Variants in RIMS2 observed in about 807,000 individuals in gnomAD.
RIMS2 encodes regulating synaptic membrane exocytosis protein 2.
Under a neutral mutation model 174.4 loss-of-function variants are expected in RIMS2, and 59 were observed. The ratio of observed to expected loss-of-function variants is 0.34; its 90% CI spans 0.27 to 0.42. The LOEUF is 0.42. RIMS2 is among the 10% of genes least tolerant of loss of function. The probability of loss-of-function intolerance (pLI) is 1.00; values close to 1 mark genes in which losing one functional copy is unlikely to be tolerated. For missense variants in RIMS2, 1,620 were observed against 1,666.3 expected, an observed-to-expected ratio of 0.97 and a Z score of 0.48; for synonymous variants, 606 against 572.5, an observed-to-expected ratio of 1.06 and a Z score of -0.84.
In RIMS2 at chr8:103,597,266, G is replaced by C. The variant is rs2094514734; in HGVS notation, c.176+96204G>C. 2.0e-5 allele frequency among the ~76,000 whole-genome samples: 3 copies of C among 152,096 alleles called. No homozygotes were observed. The South Asian group carries it at 6.2e-4, about 31-fold the overall frequency. ...CATATAAAGTTCTAGTTCTCTGATA[G>C]CCTGAGAGAATACACATAGTAGCAC... On this transcript the variant is annotated intron_variant, in intron 1 of 23. Coordinates refer to ENST00000504942, the Ensembl canonical transcript of RIMS2.
intron 19 of RIMS2, among the ~76,000 whole-genome samples, chr8:104,226,776 G>A (rs1340190726): frequency 1.3e-5 from 2 of 152,134 alleles, no homozygotes; most frequent in Non-Finnish European, 2.9e-5. Context: ...AGTATCAGCA[G>A]CCTCCCACAC....
intron 19 of RIMS2, among the ~76,000 whole-genome samples, chr8:104,075,818 GTATGCT>G (rs1354066081): frequency 1.3e-5 from 2 of 152,058 alleles, no homozygotes; most frequent in Admixed American, 6.6e-5. Context: ...AACTATGAGA[GTATGCT>G]TAGTACTCAA....
chr8:103,546,524 A>G (rs539076637), intron 1 of RIMS2, among the ~76,000 whole-genome samples: 2 of 152,312 alleles, frequency 1.3e-5, no homozygotes, highest in African/African-American at 2.4e-5. Flanking sequence ...ACATTTGACT[A>G]AATGGGCCTA....
chr8:103,563,534 A>G (rs2091925409), intron 1 of RIMS2, among the ~76,000 whole-genome samples: 1 of 152,194 alleles, frequency 6.6e-6, no homozygotes, highest in East Asian at 1.9e-4. Context: ...ATTTTGGTCA[A>G]AGCCATTCAA....
chr8:104,085,776 A>G (rs1271824417), intron 19 of RIMS2, among the ~76,000 whole-genome samples: 1 of 152,136 alleles, frequency 6.6e-6, no homozygotes, highest in African/African-American at 2.4e-5. Context: ...TCTAGGTTTT[A>G]GTTGGATATT....
Position 104,093,501 on chromosome 8 carries a change from G to T in RIMS2, c.3334+78886G>T, listed in dbSNP as rs527418169. 5 of 1,597,112 alleles carry T rather than the reference G, an allele frequency of 3.1e-6. No individual in the cohort carries two copies. The African/African-American group carries it at 5.3e-5, about 17-fold the overall frequency. On this transcript the variant is annotated intron_variant, in intron 19 of 23. Coordinates refer to ENST00000504942, the Ensembl canonical transcript of RIMS2. Reference sequence around the variant, plus strand: ...ATCAGGATGGGATCCTCATAGAGGGGCAGATAATGTTTCTACTAAATCTTC... The same window carrying T: ...ATCAGGATGGGATCCTCATAGAGGGTCAGATAATGTTTCTACTAAATCTTC...
chr8:103,697,422 C>A, intron 2 of RIMS2, 126 bp downstream of exon 4: 2 of 800,790 alleles, frequency 2.5e-6, no homozygotes, highest in East Asian at 2.6e-5. Context: ...TTTTAAAATG[C>A]TTGTGGCCAG....
chr8:103,710,641 T>G (rs2097292489), intron 2 of RIMS2, among the ~76,000 whole-genome samples: 1 of 152,188 alleles, frequency 6.6e-6, no homozygotes, highest in South Asian at 2.1e-4. Context: ...TTGTTTCTTT[T>G]ACTTTTTGGT....
rs547913178 is a variant in RIMS2 at position 104,097,224 on chromosome 8, A to G, written c.3334+82609A>G. Among the ~76,000 whole-genome samples, 5 of 152,322 alleles carry G rather than the reference A, an allele frequency of 3.3e-5. No individual in the cohort carries two copies. The South Asian group carries it at 8.3e-4, about 25-fold the overall frequency. ...TTTTTACATATATATAATGAGATAT[A>G]TTGAGGATAGGATCCACGTGTAAAC... On this transcript the variant is annotated intron_variant, in intron 19 of 23. Transcript: ENST00000504942.
chr8:103,572,775 A>G (rs936837579), intron 1 of RIMS2, among the ~76,000 whole-genome samples: 1 of 151,916 alleles, frequency 6.6e-6, no homozygotes, highest in Non-Finnish European at 1.5e-5. Flanking sequence ...TTGTCAATTT[A>G]TTTAAGTTCC....
At chr8:103,841,840 A>G (rs1356725700) in intron 3 of RIMS2, among the ~76,000 whole-genome samples, 1 of 152,120 alleles carries the variant, frequency 6.6e-6, no homozygotes, top group Admixed American at 6.5e-5. Context: ...CTGTAATCCC[A>G]GCTACTCAGG....
intron 3 of RIMS2, among the ~76,000 whole-genome samples, chr8:103,858,249 A>T (rs989381429): frequency 1.3e-5 from 2 of 152,178 alleles, no homozygotes; most frequent in African/African-American, 4.8e-5. Flanking sequence ...TCCTTAGAAT[A>T]CGTTTTTGGA....
At chr8:104,243,359 T>G (rs1378658566) in intron 19 of RIMS2, among the ~76,000 whole-genome samples, 1 of 152,136 alleles carries the variant, frequency 6.6e-6, no homozygotes, top group African/African-American at 2.4e-5. Flanking sequence ...TTTCGACAAA[T>G]CACTGGCAAT....
At chr8:103,997,337 A>C (rs1033018621) in intron 17 of RIMS2, among the ~76,000 whole-genome samples, 1 of 151,860 alleles carries the variant, frequency 6.6e-6, no homozygotes, top group Non-Finnish European at 1.5e-5. Context: ...GGTGCAGAAG[A>C]CAAGAACAAG....
At chr8:103,901,118 C>T (rs1417075627) in intron 4 of RIMS2, among the ~76,000 whole-genome samples, 1 of 152,120 alleles carries the variant, frequency 6.6e-6, no homozygotes, top group African/African-American at 2.4e-5. Flanking sequence ...CTATTTCAGG[C>T]TCCTCTTTAT....
intron 8 of RIMS2, 25 bp from the exon 12 acceptor site, chr8:103,918,416 T>G: frequency 3.9e-6 from 5 of 1,297,570 alleles, no homozygotes; most frequent in Non-Finnish European, 5.2e-6. Flanking sequence ...GTTTCTGTCT[T>G]TCTTTTTTTT....
chr8:103,590,436 G>T (rs1460786974), intron 1 of RIMS2, among the ~76,000 whole-genome samples: 2 of 151,192 alleles, frequency 1.3e-5, no homozygotes, highest in Non-Finnish European at 3.0e-5. Context: ...CCTTAACATT[G>T]TTCTTTGCAT....
chr8:104,041,230 G>A lies in RIMS2; in HGVS notation c.3334+26615G>A, dbSNP rs2096603034. ...AGGATTCTTTCTCAAAATGATCTGA[G>A]GCCCTTTCCATCAGTGTCACTTTTT... On this transcript the variant is annotated intron_variant, in intron 19 of 23. Transcript: ENST00000504942. 1.9e-5 allele frequency: 10 copies of A among 524,962 alleles called. No individual in the cohort carries two copies. The South Asian group carries it at 2.8e-4, about 15-fold the overall frequency. The allele number at this position is 524,962 out of a possible 1,614,324, so 32.5% of individuals were successfully genotyped here.
At chr8:103,656,393 A>G (rs937153446) in intron 1 of RIMS2, among the ~76,000 whole-genome samples, 4 of 152,162 alleles carry the variant, frequency 2.6e-5, no homozygotes, top group African/African-American at 9.6e-5. Flanking sequence ...AGCTAGAAAA[A>G]TGCATAAAAT....
Sources: gnomAD v4.1 joint callset for allele counts (sites outside exome capture counted in the v4.1 genomes callset) on GRCh38, gnomAD v4.1.1 for gene constraint, MANE v1.5 for transcripts, NCBI Gene and HGNC (gene_info 2026-07-23, HGNC 2026-07-21) for gene names.